UTP15: variants seen among roughly 807,000 people sequenced by gnomAD.
UTP15 encodes the protein UTP15 small subunit processome component.
In UTP15, 5 loss-of-function variants were observed where a neutral mutation model predicts 59.1. The observed-to-expected ratio is 0.08, with a 90% CI of 0.04 to 0.18. UTP15 has a LOEUF of 0.18. Among genes scored for constraint, UTP15 ranks in the 10% least tolerant of loss-of-function variants. The pLI is 1.00. For synonymous variants in UTP15, 211 were observed against 212.2 expected (o/e 0.99, Z 0.05); for missense variants, 494 against 616.7 (o/e 0.80, Z 2.11).
intron 7 of UTP15, among the ~76,000 whole-genome samples, chr5:73,575,038 T>C (rs1460611276): frequency 6.6e-6 from 1 of 152,164 alleles, no homozygotes; most frequent in Non-Finnish European, 1.5e-5. Flanking sequence ...GCTATGTAAA[T>C]AGTTGTTACA....
intron 4 of UTP15, 102 bp downstream of exon 4, chr5:73,568,706 T>A: frequency 8.7e-7 from 1 of 1,151,912 alleles, no homozygotes; most frequent in Non-Finnish European, 1.2e-6. Flanking sequence ...TTTATGGAGA[T>A]TATTTGCCTA....
In UTP15 at chr5:73,568,278, A is replaced by T. The variant is rs1475877941; in HGVS notation, c.134A>T (p.Asp45Val). Residue 45 changes from aspartate to valine, a missense_variant, in exon 3 of 13, where the codon GAC becomes GTC. Asp to Val is a radical substitution (Grantham distance 152). Transcript: ENST00000296792. ...IKEFGAVSKV[D>V]FSPQPPYNYA... ...GAATTTGGTGCAGTTTCAAAAGTAG[A>T]CTTTTCTCCTCAGCCTCCATATAAT... The T allele has an allele frequency of 6.2e-7, 1 of 1,611,134 alleles. No homozygotes were observed. The highest frequency in any genetic ancestry group is 2.2e-5 in the East Asian group (1 of 44,808).
chr5:73,577,126 G>A, intron 8 of UTP15, 90 bp downstream of exon 8: 1 of 994,980 alleles, frequency 1.0e-6, no homozygotes, highest in East Asian at 2.5e-5. Context: ...TTTTAGATTT[G>A]AGTAACTTTT....
In UTP15 at chr5:73,572,520, A is replaced by C; in HGVS notation, c.705A>C (p.Leu235Phe). The C allele has an allele frequency of 6.2e-7, 1 of 1,614,166 alleles. No individual in the cohort carries two copies. The highest frequency in any genetic ancestry group is 8.5e-7 in the Non-Finnish European group (1 of 1,180,008). The change falls in exon 7 of 13, where the codon TTA becomes TTC. Residue 235 changes from leucine (L) to phenylalanine (F), a missense_variant. By Grantham distance (22) the Leu-to-Phe change is conservative. Transcript: ENST00000296792. ...GTTATGTTAAAGTCTGGGACATGTT[A>C]AAAGGAGGACAATTGCTAGTATCTT... ...GGRYVKVWDM[L>F]KGGQLLVSLK...
chr5:73,567,487 C>G, intron 2 of UTP15, 53 bp downstream of exon 2: 1 of 1,337,054 alleles, frequency 7.5e-7, no homozygotes, highest in Non-Finnish European at 1.0e-6. Flanking sequence ...GCCAATTTCT[C>G]TAGCATATGT....
Position 73,567,404 on chromosome 5 carries a change from C to G in UTP15, c.60C>G (p.Thr20=), listed in dbSNP as rs762777484. ...QTYPILGEKI[T]QDTLYWNNYK... ...ATCCTATACTTGGTGAAAAAATCAC[C>G]CAAGATACACTGTACTGGAACAACT... The change falls in exon 2 of 13, where the codon ACC becomes ACG. Residue 20 remains threonine, a synonymous_variant. Transcript: ENST00000296792. 6.2e-7 allele frequency: 1 copy of G among 1,608,858 alleles called. No homozygotes were observed. Among genetic ancestry groups the G allele is most frequent in the Non-Finnish European group, 8.5e-7 (1 of 1,177,416 alleles).
At position 73,568,402 on chromosome 5, in the gene UTP15, C is replaced by T. The variant is rs760568101; in HGVS notation, c.184-18C>T. On this transcript the variant is annotated intron_variant, in intron 3 of 12. Coordinates refer to ENST00000296792, the MANE Select transcript of UTP15 (RefSeq NM_032175.4). ...TGATCTTGAGCCATCTGGTGAAATA[C>T]TGTTTTTCATCTTGTAGATTCACAT... 6.2e-7 allele frequency: 1 copy of T among 1,602,164 alleles called. No individual in the cohort carries two copies. Among genetic ancestry groups the T allele is most frequent in the Non-Finnish European group, 8.5e-7 (1 of 1,174,760 alleles).
chr5:73,568,325 A>G lies in UTP15; in HGVS notation c.181A>G (p.Arg61Gly). The change falls in exon 3 of 13, where the codon AGA becomes GGA. Residue 61 changes from arginine to glycine, a missense_variant and splice_region_variant. Coordinates refer to ENST00000296792, the MANE Select transcript of UTP15 (RefSeq NM_032175.4). ...TAATTATGCTGTCACAGCTTCCTCA[A>G]GAGTAAGTATAATATTAAATTTCTT... ...PYNYAVTASS[R>G]IHIYGRYSQE... 6.2e-7 allele frequency: 1 copy of G among 1,602,964 alleles called. No homozygotes were observed. The highest frequency in any genetic ancestry group is 8.5e-7 in the Non-Finnish European group (1 of 1,175,690).
chr5:73,570,807 A>C, intron 6 of UTP15, 96 bp downstream of exon 6: 1 of 1,514,692 alleles, frequency 6.6e-7, no homozygotes, highest in Non-Finnish European at 9.0e-7. Context: ...GTGCATTTGA[A>C]TTGCATATCT....
At position 73,572,637 on chromosome 5, in the gene UTP15, A is replaced by AT; in HGVS notation, c.809+20dup. The AT allele has an allele frequency of 1.9e-6, 3 of 1,604,922 alleles. No homozygotes were observed. Among genetic ancestry groups the AT allele is most frequent in the African/African-American group, 2.7e-5 (2 of 74,180 alleles). On this transcript the variant is annotated intron_variant, in intron 7 of 12. Transcript: ENST00000296792. ...GCTCACTGGATAGGTTGGCATTTTAATTTTTTTGTATATTATTATTAGTGT... is the reference window on the plus strand; with the variant it reads ...GCTCACTGGATAGGTTGGCATTTTAATTTTTTTTGTATATTATTATTAGTGT...
intron 1 of UTP15, among the ~76,000 whole-genome samples, chr5:73,567,053 C>T (rs1418107691): frequency 1.3e-5 from 2 of 152,154 alleles, no homozygotes; most frequent in African/African-American, 4.8e-5. Context: ...GTGTGAGAAC[C>T]TTTGTGTACA....
Position 73,568,470 on chromosome 5 carries a change from A to T in UTP15, c.234A>T (p.Arg78=), listed in dbSNP as rs1396632267. 6.2e-7 allele frequency: 1 copy of T among 1,613,740 alleles called. No homozygotes were observed. Among genetic ancestry groups the T allele is most frequent in the African/African-American group, 1.3e-5 (1 of 75,008 alleles). The change falls in exon 4 of 13, where the codon CGA becomes CGT. Residue 78 remains arginine, a synonymous_variant. Transcript: ENST00000296792. ...AAGAACCTATAAAAACCTTTTCTCG[A>T]TTTAAAGACACAGCATACTGTGCTA... ...YSQEPIKTFS[R]FKDTAYCATF...
rs929469091 is a variant in UTP15, at chr5:73,579,804, T to A, written c.1340-73T>A. On this transcript the variant is annotated intron_variant, in intron 12 of 12. Transcript: ENST00000296792. ...CTTATGTTTAATATTTTTATACTTTTAAAAACTTTTGCTTTTCACTTAATG... is the reference window on the plus strand; with the variant it reads ...CTTATGTTTAATATTTTTATACTTTAAAAAACTTTTGCTTTTCACTTAATG... 1.2e-4 allele frequency: 110 copies of A among 951,330 alleles called. 1 individual carries two copies. In the Admixed American group the frequency reaches 2.4e-3, roughly 21 times the overall value. 58.9% of individuals were successfully genotyped at this position (951,330 alleles called of 1,614,324 possible). A position where few individuals can be genotyped will look rare whatever the true frequency, so the allele number is the denominator to read the frequency against.
At chr5:73,574,637 G>A (rs1748036089) in intron 7 of UTP15, among the ~76,000 whole-genome samples, 1 of 151,840 alleles carries the variant, frequency 6.6e-6, no homozygotes, top group African/African-American at 2.4e-5. Flanking sequence ...ACCGGCACGC[G>A]CCACTGTACC....
chr5:73,579,829 G>T, intron 12 of UTP15, 48 bp from the exon 13 acceptor site: 2 of 1,334,814 alleles, frequency 1.5e-6, no homozygotes, highest in South Asian at 1.5e-5. Context: ...TTCACTTAAT[G>T]TATGGAAAGA....
chr5:73,568,124 C>A, intron 2 of UTP15, 111 bp from the exon 3 acceptor site: 1 of 781,566 alleles, frequency 1.3e-6, no homozygotes, highest in Non-Finnish European at 1.9e-6. Context: ...TTAAATACAA[C>A]TTAAGAAATG....
intron 7 of UTP15, among the ~76,000 whole-genome samples, chr5:73,573,561 A>T (rs1748004351): frequency 6.9e-6 from 1 of 144,296 alleles, no homozygotes; most frequent in Non-Finnish European, 1.5e-5. Context: ...AAAGTTTTTT[A>T]AAAATTAGAT....
chr5:73,577,062 T>C (rs191307924), intron 8 of UTP15, 26 bp downstream of exon 8: 64 of 1,521,506 alleles, frequency 4.2e-5, no homozygotes, highest in Admixed American at 2.0e-4. Context: ...TATTTTTAAG[T>C]CTGTCACTAA....
chr5:73,576,592 A>G (rs1331403650), intron 7 of UTP15, among the ~76,000 whole-genome samples: 1 of 151,644 alleles, frequency 6.6e-6, no homozygotes, highest in Non-Finnish European at 1.5e-5. Context: ...CTCCTGCCTC[A>G]GCTTCCCAAG....
Sources: allele counts gnomAD v4.1 joint callset (sites outside exome capture counted in the v4.1 genomes callset), GRCh38; gene constraint gnomAD v4.1.1; transcripts MANE v1.5; gene names NCBI Gene and HGNC (gene_info 2026-07-23, HGNC 2026-07-21).